Variants in FAT3 observed in about 807,000 individuals in gnomAD.
FAT3 encodes protocadherin Fat 3.
FAT3 carries 95 observed loss-of-function variants against 310.2 expected under a neutral mutation model. That is an observed-to-expected ratio of 0.31 (90% CI 0.26 to 0.36). The LOEUF (loss-of-function observed/expected upper bound fraction) is 0.36. Among genes scored for constraint, FAT3 ranks in the 10% least tolerant of loss-of-function variants. FAT3 has a pLI of 1.00. For missense variants in FAT3, 5,408 were observed against 5,715.6 expected, an observed-to-expected ratio of 0.95 and a Z score of 1.74; for synonymous variants, 2,314 against 2,192.9, an observed-to-expected ratio of 1.06 and a Z score of -1.54.
Position 92,799,365 on chromosome 11 carries a change from G to A in FAT3, c.6352G>A (p.Glu2118Lys), listed in dbSNP as rs749446934. 6.2e-7 allele frequency: 1 copy of A among 1,613,768 alleles called. No homozygotes were observed. The highest frequency in any genetic ancestry group is 1.3e-5 in the African/African-American group (1 of 74,932). ...TGACAAAGATAAAGGTCCAAATGGA[G>A]AAGTGACCTATGTCCTGCAGGATGA... The part of the protein sequence containing the change: ...AIDKDKGPNG[E>K]VTYVLQDDYG... The change falls in exon 10 of 28, where the codon GAA becomes AAA. Residue 2118 changes from glutamate (E) to lysine (K), a missense_variant. Physicochemically the swap from Glu to Lys is moderately conservative, Grantham distance 56. Coordinates refer to ENST00000525166, the MANE Select transcript of FAT3 (RefSeq NM_001367949.2).
At chr11:92,535,266 C>T (rs1313871853) in intron 3 of FAT3, among the ~76,000 whole-genome samples, 2 of 152,090 alleles carry the variant, frequency 1.3e-5, no homozygotes, top group African/African-American at 4.8e-5. Flanking sequence ...GATGGTGCCA[C>T]AAGCCAAGGA....
Position 92,353,808 on chromosome 11 carries a change from A to G in FAT3, c.1696A>G (p.Ile566Val). The G allele has an allele frequency of 1.2e-6, 2 of 1,613,634 alleles. No homozygotes were observed. The highest frequency in any genetic ancestry group is 1.1e-5 in the South Asian group (1 of 91,074). Residue 566 changes from isoleucine (I) to valine (V), a missense_variant, in exon 2 of 28, where the codon ATT (isoleucine) becomes GTT (valine). Physicochemically the swap from Ile to Val is conservative, Grantham distance 29. This residue lies in a region of FAT3 where 4,588 missense variants were observed against 4,809.8 expected (regional missense o/e 0.95). Coordinates refer to ENST00000525166, the MANE Select transcript of FAT3 (RefSeq NM_001367949.2). ...CCATGAAAGTGAGGTCAATGTGACT[A>G]TTCGAATAGGAAATGTCAACGACAA... ...YRHESEVNVT[I>V]RIGNVNDNSP...
chr11:92,554,676 G>A (rs1954955837), intron 3 of FAT3, among the ~76,000 whole-genome samples: 1 of 152,042 alleles, frequency 6.6e-6, no homozygotes, highest in Non-Finnish European at 1.5e-5. Flanking sequence ...AAAGTCAGGA[G>A]TATATTCTCT....
At chr11:92,277,759 G>A (rs946451950) in intron 1 of FAT3, among the ~76,000 whole-genome samples, 2 of 152,002 alleles carry the variant, frequency 1.3e-5, no homozygotes, top group Non-Finnish European at 2.9e-5. Flanking sequence ...ACTATGCATA[G>A]CACCTGAGTG....
chr11:92,462,342 GTCCTGGTA>G (rs1406023775), intron 2 of FAT3, among the ~76,000 whole-genome samples: 1 of 152,020 alleles, frequency 6.6e-6, no homozygotes, highest in Admixed American at 6.6e-5. Context: ...CCTTGAGTAT[GTCCTGGTA>G]TCTATCGTTC....
intron 2 of FAT3, chr11:92,367,200 G>C: frequency 3.1e-6 from 1 of 325,740 alleles, no homozygotes; most frequent in East Asian, 6.5e-5. Context: ...AGTTCTCCAG[G>C]TTCCACATGC....
At chr11:92,483,255 C>G (rs1487648278) in intron 2 of FAT3, among the ~76,000 whole-genome samples, 8 of 152,246 alleles carry the variant, frequency 5.3e-5, no homozygotes, top group African/African-American at 1.9e-4. Flanking sequence ...TCCATCATAC[C>G]CTGACTGCTT....
intron 2 of FAT3, among the ~76,000 whole-genome samples, chr11:92,483,805 A>T (rs1001446642): frequency 6.6e-6 from 1 of 152,240 alleles, no homozygotes; most frequent in Non-Finnish European, 1.5e-5. Context: ...GAAGACACTC[A>T]GTAAATGCCC....
At chr11:92,628,428 A>G (rs533806210) in intron 3 of FAT3, among the ~76,000 whole-genome samples, 17 of 152,116 alleles carry the variant, frequency 1.1e-4, no homozygotes, top group Non-Finnish European at 2.4e-4. Context: ...CTCCATTCAC[A>G]TTTGCCCTTT....
intron 19 of FAT3, among the ~76,000 whole-genome samples, chr11:92,853,941 G>A (rs535664546): frequency 6.6e-6 from 1 of 152,228 alleles, no homozygotes; most frequent in East Asian, 1.9e-4. Flanking sequence ...TTGAAGGTGG[G>A]GCATCACTGG....
At chr11:92,275,212 C>T (rs376029678) in intron 1 of FAT3, among the ~76,000 whole-genome samples, 84 of 152,162 alleles carry the variant, frequency 5.5e-4, no homozygotes, top group African/African-American at 2.0e-3. Flanking sequence ...CTTCTTGTCT[C>T]ATGCTGGATT....
At chr11:92,693,762 A>G (rs756784790) in intron 3 of FAT3, among the ~76,000 whole-genome samples, 3 of 152,134 alleles carry the variant, frequency 2.0e-5, no homozygotes, top group Admixed American at 6.5e-5. Flanking sequence ...TTTTATCAAG[A>G]TTTTGATAAC....
At chr11:92,355,984 G>A (rs982087604) in intron 2 of FAT3, among the ~76,000 whole-genome samples, 2 of 152,102 alleles carry the variant, frequency 1.3e-5, no homozygotes, top group Non-Finnish European at 2.9e-5. Flanking sequence ...GAATAAATGA[G>A]TCTTGCTATG....
At chr11:92,506,516 T>C (rs956779101) in intron 2 of FAT3, among the ~76,000 whole-genome samples, 1 of 152,204 alleles carries the variant, frequency 6.6e-6, no homozygotes, top group Non-Finnish European at 1.5e-5. Context: ...GAATCCTTCA[T>C]TTGAGCCATT....
chr11:92,639,025 G>A (rs1565478359), intron 3 of FAT3, among the ~76,000 whole-genome samples: 1 of 152,058 alleles, frequency 6.6e-6, no homozygotes. Context: ...CATTTCTCTA[G>A]GTTAATGCAT....
intron 2 of FAT3, among the ~76,000 whole-genome samples, chr11:92,461,148 G>T (rs1015921381): frequency 2.0e-4 from 31 of 152,120 alleles, no homozygotes; most frequent in Non-Finnish European, 3.8e-4. Context: ...TACTTAATAG[G>T]TTGGAACTCT....
intron 2 of FAT3, among the ~76,000 whole-genome samples, chr11:92,398,367 G>A (rs1949929849): frequency 6.6e-6 from 1 of 151,938 alleles, no homozygotes. Flanking sequence ...CAGGCATGGT[G>A]GTGCATGCCT....
intron 3 of FAT3, among the ~76,000 whole-genome samples, chr11:92,594,036 A>G: frequency 6.6e-6 from 1 of 152,124 alleles, no homozygotes; most frequent in Admixed American, 6.5e-5. Flanking sequence ...GTAAACAGGG[A>G]CATGTGTCAT....
At chr11:92,874,842 TATAC>T (rs1037536970) in intron 22 of FAT3, among the ~76,000 whole-genome samples, 4 of 152,096 alleles carry the variant, frequency 2.6e-5, no homozygotes, top group Non-Finnish European at 4.4e-5. Context: ...CCCGGCCTAG[TATAC>T]GCTCTTGAAC....
Sources: gnomAD v4.1 joint callset for allele counts (sites outside exome capture counted in the v4.1 genomes callset) on GRCh38, gnomAD v4.1.1 for gene constraint, gnomAD v4.1.1 regional missense constraint, MANE v1.5 for transcripts, NCBI Gene and HGNC (gene_info 2026-07-23, HGNC 2026-07-21) for gene names.